CLASP1: variants seen among roughly 807,000 people sequenced by gnomAD.
CLASP1 encodes the protein cytoplasmic linker associated protein 1.
CLASP1 carries 38 observed loss-of-function variants against 192.3 expected under a neutral mutation model. The observed-to-expected ratio is 0.20, with a 90% confidence interval of 0.15 to 0.26. The LOEUF (loss-of-function observed/expected upper bound fraction) is 0.26, where lower values mean the gene tolerates loss of function less well. CLASP1 is among the 10% of genes least tolerant of loss of function. The pLI is 1.00. For synonymous variants in CLASP1, 691 were observed against 712.8 expected (o/e 0.97, Z 0.49); for missense variants, 1,433 against 1,932.5 (o/e 0.74, Z 4.85).
chr2:121,364,709 T>C (rs78929253), intron 36 of CLASP1: 4,413 of 230,034 alleles, frequency 0.019, 69 homozygotes, highest in South Asian at 0.05. Flanking sequence ...ATCAGGTCTT[T>C]TAAAATGAAA....
intron 6 of CLASP1, among the ~76,000 whole-genome samples, chr2:121,521,009 T>A (rs1017108204): frequency 2.6e-5 from 4 of 152,152 alleles, no homozygotes; most frequent in Non-Finnish European, 5.9e-5. Flanking sequence ...CTAGAAAACA[T>A]TTCTCTGCTC....
chr2:121,381,704 T>C (rs2071703810), intron 33 of CLASP1, among the ~76,000 whole-genome samples: 1 of 152,198 alleles, frequency 6.6e-6, no homozygotes. Context: ...CCTTTCTGGA[T>C]CTGTGTGCTC....
intron 33 of CLASP1, among the ~76,000 whole-genome samples, chr2:121,381,929 T>C (rs1379163278): frequency 2.6e-5 from 4 of 152,136 alleles, no homozygotes; most frequent in African/African-American, 9.7e-5. Context: ...GGCTGAGCAC[T>C]GCACTGTACA....
chr2:121,544,545 GT>G (rs761345674), intron 2 of CLASP1, among the ~76,000 whole-genome samples: 1 of 150,358 alleles, frequency 6.7e-6, no homozygotes, highest in Admixed American at 6.6e-5. Context: ...TGCAATACAT[GT>G]TTTTTTAAAG....
intron 19 of CLASP1, among the ~76,000 whole-genome samples, chr2:121,436,485 A>T (rs947808007): frequency 3.9e-4 from 57 of 147,866 alleles, no homozygotes; most frequent in African/African-American, 1.4e-3. Context: ...ATCTCGGTTC[A>T]CTGCAATTTC....
chr2:121,365,667 C>T (rs2067269410), intron 35 of CLASP1, among the ~76,000 whole-genome samples: 1 of 152,214 alleles, frequency 6.6e-6, no homozygotes, highest in South Asian at 2.1e-4. Context: ...CTGAGTCAGA[C>T]CCACCACTGG....
In CLASP1 at chr2:121,457,616, G is replaced by A. The variant is rs975309634; in HGVS notation, c.1385+71C>T. 3 of 1,179,714 alleles carry A rather than the reference G, an allele frequency of 2.5e-6. No individual in the cohort carries two copies. The Admixed American group carries it at 5.5e-5, about 22-fold the overall frequency. The allele number at this position is 1,179,714 out of a possible 1,614,324, so 73.1% of individuals were successfully genotyped here. ...ATGTTATACATGAAATTTTATCCAT[G>A]GAAGGAGATTTGGAATTTGTTTTGG... On this transcript the variant is annotated intron_variant, in intron 14 of 39. Transcript: ENST00000263710.
At chr2:121,545,034 C>T (rs2105062233) in intron 2 of CLASP1, among the ~76,000 whole-genome samples, 2 of 152,152 alleles carry the variant, frequency 1.3e-5, no homozygotes, top group South Asian at 4.2e-4. Context: ...GCCTCAGCCT[C>T]CCGAGTAGCT....
In CLASP1 at chr2:121,365,007, T is replaced by TAG. The variant is rs1057034996; in HGVS notation, c.4077+86_4077+87insCT. 4 of 1,236,978 alleles carry TAG rather than the reference T, an allele frequency of 3.2e-6. No individual in the cohort carries two copies. The African/African-American group carries it at 5.9e-5, about 18-fold the overall frequency. 76.6% of individuals were successfully genotyped at this position (1,236,978 alleles called of 1,614,324 possible). On this transcript the variant is annotated intron_variant, in intron 36 of 39. Coordinates refer to ENST00000263710, the Ensembl canonical transcript of CLASP1. Reference sequence around the variant, plus strand: ...TAAACAGTAAGCACAACCCAGAAAGTAAAGCTGAAGCTAAGCCCAATAAGA... The same window carrying TAG: ...TAAACAGTAAGCACAACCCAGAAAGTAGAAAGCTGAAGCTAAGCCCAATAAGA...
At chr2:121,450,244 T>C (rs1267631391) in intron 16 of CLASP1, among the ~76,000 whole-genome samples, 4 of 151,180 alleles carry the variant, frequency 2.6e-5, no homozygotes, top group South Asian at 2.1e-4. Flanking sequence ...GGTAGGAGAA[T>C]GACGAGAACC....
intron 2 of CLASP1, among the ~76,000 whole-genome samples, chr2:121,605,022 A>G (rs1458066476): frequency 6.6e-6 from 1 of 152,220 alleles, no homozygotes; most frequent in African/African-American, 2.4e-5. Flanking sequence ...CCACCTCTTC[A>G]GCACTTCAAG....
In CLASP1 at chr2:121,622,631, T is replaced by C. The variant is rs2067570172; in HGVS notation, c.-285-16451A>G. Among the ~76,000 whole-genome samples the C allele has an allele frequency of 2.0e-5, 3 of 152,176 alleles. 1 individual carries two copies. Among genetic ancestry groups the C allele is most frequent in the Admixed American group, 2.0e-4 (3 of 15,266 alleles). Reference sequence around the variant, plus strand: ...GTTAACTTTATTCCCAAATGTTTTATTCTTTTTGACGCTACTGTGAATGGA... The same window carrying C: ...GTTAACTTTATTCCCAAATGTTTTACTCTTTTTGACGCTACTGTGAATGGA... On this transcript the variant is annotated intron_variant, in intron 1 of 39. Coordinates refer to ENST00000263710, the Ensembl canonical transcript of CLASP1.
At chr2:121,553,965 G>A (rs918754129) in intron 2 of CLASP1, among the ~76,000 whole-genome samples, 5 of 151,682 alleles carry the variant, frequency 3.3e-5, no homozygotes, top group South Asian at 2.1e-4. Flanking sequence ...TGCAATTTCC[G>A]AACTTTGGGA....
chr2:121,341,471 C>T (rs2062782037), intron 39 of CLASP1, among the ~76,000 whole-genome samples: 1 of 152,166 alleles, frequency 6.6e-6, no homozygotes, highest in Admixed American at 6.5e-5. Flanking sequence ...ATGGATTAAA[C>T]TCTTCAATCA....
At chr2:121,374,396 G>C (rs2069489926) in intron 34 of CLASP1, among the ~76,000 whole-genome samples, 1 of 152,250 alleles carries the variant, frequency 6.6e-6, no homozygotes, top group Non-Finnish European at 1.5e-5. Flanking sequence ...CCCTCATGGA[G>C]AACCTCTACT....
At chr2:121,486,746 G>C (rs1057494285) in intron 8 of CLASP1, among the ~76,000 whole-genome samples, 2 of 152,226 alleles carry the variant, frequency 1.3e-5, no homozygotes, top group Non-Finnish European at 2.9e-5. Flanking sequence ...AGAGCTATTT[G>C]CCATTTGTGC....
chr2:121,550,971 C>A (rs1179311531), intron 2 of CLASP1, among the ~76,000 whole-genome samples: 1 of 152,122 alleles, frequency 6.6e-6, no homozygotes, highest in Non-Finnish European at 1.5e-5. Context: ...AAATCTTCAA[C>A]AAAATACTTG....
chr2:121,349,976 A>T (rs1355520570), intron 37 of CLASP1, among the ~76,000 whole-genome samples: 1 of 152,192 alleles, frequency 6.6e-6, no homozygotes, highest in Non-Finnish European at 1.5e-5. Context: ...ATAAATGGTG[A>T]GCAGTACTCA....
chr2:121,564,562 T>C (rs2059353587), intron 2 of CLASP1, among the ~76,000 whole-genome samples: 1 of 152,218 alleles, frequency 6.6e-6, no homozygotes, highest in Admixed American at 6.5e-5. Context: ...GCTCTCTCTA[T>C]GGTACGATAT....
Sources: allele counts gnomAD v4.1 joint callset (sites outside exome capture counted in the v4.1 genomes callset), GRCh38; gene constraint gnomAD v4.1.1; transcripts MANE v1.5; gene names NCBI Gene and HGNC (gene_info 2026-07-23, HGNC 2026-07-21).